Variants in FAAH2 observed in about 807,000 individuals in gnomAD.
The protein encoded by FAAH2 is fatty-acid amide hydrolase 2.
A neutral mutation model predicts 36.9 loss-of-function variants in FAAH2; 60 were observed. The observed-to-expected ratio is 1.63, with a 90% CI of 1.32 to 2.02. The LOEUF is 2.02. Ranked by LOEUF, FAAH2 falls within the 30% of genes most tolerant of loss-of-function variation. The pLI is 0.00. For synonymous variants in FAAH2, 214 were observed against 143.8 expected, an observed-to-expected ratio of 1.49 and a Z score of -3.49; for missense variants, 689 against 397.5, an observed-to-expected ratio of 1.73 and a Z score of -6.23.
At chrX:57,126,206 T>C in the FAAH2 span, among the ~76,000 whole-genome samples, 2 of 112,526 alleles carry the variant, frequency 1.8e-5, no homozygotes, top group Admixed American at 9.4e-5. Flanking sequence ...CTATCAGTAG[T>C]TGGCCAAAGT....
chrX:57,429,445 CA>C (rs1395956431), intron 7 of FAAH2, among the ~76,000 whole-genome samples: 1 of 110,595 alleles, frequency 9.0e-6, no homozygotes, highest in African/African-American at 3.3e-5. Flanking sequence ...AACTGCTTAA[CA>C]TTATTAATCA....
chrX:57,378,437 T>C (rs1022934011), intron 5 of FAAH2, among the ~76,000 whole-genome samples: 1 of 111,534 alleles, frequency 9.0e-6, no homozygotes, highest in African/African-American at 3.3e-5. Context: ...TGTTTTATAT[T>C]GAAGTTCTTC....
chrX:57,254,087 G>A, the FAAH2 span, among the ~76,000 whole-genome samples: 2 of 109,345 alleles, frequency 1.8e-5, no homozygotes, highest in Non-Finnish European at 3.8e-5. Flanking sequence ...AGGGATGGAG[G>A]AAGATCTACC....
the FAAH2 span, among the ~76,000 whole-genome samples, chrX:57,246,533 G>A: frequency 1.8e-4 from 20 of 111,472 alleles, 1 homozygote; most frequent in South Asian, 5.7e-3. Flanking sequence ...TGATCAATTC[G>A]GCTTCATCCC....
intron 2 of FAAH2, among the ~76,000 whole-genome samples, chrX:57,293,421 A>AT (rs1301394395): frequency 1.8e-5 from 2 of 112,241 alleles, no homozygotes; most frequent in African/African-American, 6.5e-5. Flanking sequence ...GTATCATAAT[A>AT]GATACTTTAT....
At chrX:57,432,097 A>G (rs754977588) in intron 8 of FAAH2, 60 bp downstream of exon 8, 32 of 1,001,179 alleles carry the variant, frequency 3.2e-5, no homozygotes, top group Non-Finnish European at 4.1e-5. Context: ...TTGAGCTTCT[A>G]TTGTGGTCCA....
the FAAH2 span, among the ~76,000 whole-genome samples, chrX:57,185,710 C>A: frequency 9.1e-6 from 1 of 109,673 alleles, no homozygotes; most frequent in Non-Finnish European, 1.9e-5. Flanking sequence ...CCTCGCCTTT[C>A]CCCCCACCCC....
intron 3 of FAAH2, among the ~76,000 whole-genome samples, chrX:57,325,223 C>T (rs1350269012): frequency 9.8e-5 from 11 of 111,771 alleles, no homozygotes; most frequent in East Asian, 2.8e-4. Flanking sequence ...TTTAGATGTG[C>T]TGCTGGATTC....
intron 2 of FAAH2, among the ~76,000 whole-genome samples, chrX:57,306,130 G>T (rs1006989607): frequency 1.8e-5 from 2 of 111,789 alleles, no homozygotes. Context: ...CAGAAAGTGG[G>T]TAACTTCAAC....
At chrX:57,443,107 A>T (rs1212237411) in intron 8 of FAAH2, among the ~76,000 whole-genome samples, 1 of 111,461 alleles carries the variant, frequency 9.0e-6, no homozygotes, top group African/African-American at 3.3e-5. Flanking sequence ...GCTCTTCTCG[A>T]GGAATATCTT....
chrX:57,296,501 A>G (rs928897003), intron 2 of FAAH2, among the ~76,000 whole-genome samples: 1 of 111,609 alleles, frequency 9.0e-6, no homozygotes, highest in South Asian at 3.8e-4. Context: ...AAAGTTGGGG[A>G]AAAAAACAGA....
intron 10 of FAAH2, among the ~76,000 whole-genome samples, chrX:57,476,442 C>T (rs750161480): frequency 9.1e-6 from 1 of 109,997 alleles, no homozygotes; most frequent in Non-Finnish European, 1.9e-5. Flanking sequence ...CTTTCTGCAT[C>T]TATCATGTGG....
chrX:57,261,526 C>A, the FAAH2 span, among the ~76,000 whole-genome samples: 32,398 of 87,643 alleles, frequency 0.37, 5,835 homozygotes, highest in Middle Eastern at 0.69. Flanking sequence ...GCACTCTAGC[C>A]TGGGCAACAG....
chrX:57,300,007 A>T (rs756645631), intron 2 of FAAH2, among the ~76,000 whole-genome samples: 106 of 111,912 alleles, frequency 9.5e-4, no homozygotes, highest in African/African-American at 3.1e-3. Flanking sequence ...GGAAGAATCA[A>T]TATCATGAAA....
intron 7 of FAAH2, among the ~76,000 whole-genome samples, chrX:57,399,815 CT>C (rs2055389465): frequency 1.8e-5 from 2 of 112,074 alleles, no homozygotes; most frequent in African/African-American, 6.5e-5. Flanking sequence ...TATATTTACC[CT>C]TTTCCTTTCT....
At position 57,394,689 on chromosome X, in the gene FAAH2, A is replaced by G. The variant is rs777407429; in HGVS notation, c.996+13660A>G. ...AACTTTTCTCCCATTTGTTTTTTTTATCATCTGGGACATAATTGATTCCAC... is the reference window on the plus strand; with the variant it reads ...AACTTTTCTCCCATTTGTTTTTTTTGTCATCTGGGACATAATTGATTCCAC... On this transcript the variant is annotated intron_variant, in intron 7 of 10. Transcript: ENST00000374900. 3 of 896,728 alleles carry G rather than the reference A, an allele frequency of 3.3e-6. No individual in the cohort carries two copies. In the African/African-American group the frequency reaches 5.9e-5, roughly 18 times the overall value. 73.9% of individuals were successfully genotyped at this position (896,728 alleles called of 1,213,427 possible).
intron 3 of FAAH2, among the ~76,000 whole-genome samples, chrX:57,331,004 T>A (rs1055145720): frequency 1.5e-4 from 17 of 110,555 alleles, no homozygotes; most frequent in African/African-American, 5.3e-4. Context: ...GGTGCTCAGA[T>A]TGGACTGGAC....
chrX:57,412,468 C>A (rs894595558), intron 7 of FAAH2, among the ~76,000 whole-genome samples: 14 of 111,411 alleles, frequency 1.3e-4, no homozygotes, highest in African/African-American at 4.6e-4. Flanking sequence ...TGACAACATG[C>A]AGTGTTTGGT....
At chrX:57,247,519 AG>A in the FAAH2 span, among the ~76,000 whole-genome samples, 1 of 111,264 alleles carries the variant, frequency 9.0e-6, no homozygotes, top group East Asian at 2.8e-4. Flanking sequence ...GCACCAGAGC[AG>A]GCCATTTATC....
Sources: gnomAD v4.1 joint callset for allele counts (sites outside exome capture counted in the v4.1 genomes callset) on GRCh38, gnomAD v4.1.1 for gene constraint, MANE v1.5 for transcripts, NCBI Gene and HGNC (gene_info 2026-07-23, HGNC 2026-07-21) for gene names.